Variants in OR52N4 observed in about 807,000 individuals in gnomAD.
The protein encoded by OR52N4 is olfactory receptor 52N4.
In OR52N4, 15 loss-of-function variants were observed where a neutral mutation model predicts 15.0. That is an observed-to-expected ratio of 1.00 (90% CI 0.67 to 1.54). The LOEUF (loss-of-function observed/expected upper bound fraction) is 1.54, where lower values mean the gene tolerates loss of function less well. Ranked by LOEUF, OR52N4 falls within the 40% of genes most tolerant of loss-of-function variation. The pLI is 0.00. For synonymous variants in OR52N4, 143 were observed against 143.7 expected (o/e 1.00, Z 0.03); for missense variants, 421 against 394.0 (o/e 1.07, Z -0.58).
In OR52N4 at chr11:5,754,312, A is replaced by G. The variant is rs1854251596; in HGVS notation, c.-49+7A>G. 2 of 156,098 alleles carry G rather than the reference A, an allele frequency of 1.3e-5. No individual in the cohort carries two copies. Among genetic ancestry groups the G allele is most frequent in the Admixed American group, 1.3e-4 (2 of 15,698 alleles). The allele number at this position is 156,098 out of a possible 1,614,324, so 9.7% of individuals were successfully genotyped here. ...CTCTCAGATCATCAGTGAGGTAATCAAATGACTCTTCTTTAAAATTATATC... is the reference window on the plus strand; with the variant it reads ...CTCTCAGATCATCAGTGAGGTAATCGAATGACTCTTCTTTAAAATTATATC... On this transcript the variant is annotated splice_region_variant and intron_variant, in intron 1 of 1. Coordinates refer to ENST00000641350, the MANE Select transcript of OR52N4 (RefSeq NM_001005175.5).
At chr11:5,751,740 T>C (rs1854195108), upstream of OR52N4, among the ~76,000 whole-genome samples, 1 of 152,210 alleles carries the variant, frequency 6.6e-6, no homozygotes, top group Non-Finnish European at 1.5e-5. Flanking sequence ...TACCAGACAC[T>C]GTCCTTACAT....
the OR52N4 span, among the ~76,000 whole-genome samples, chr11:5,741,648 G>A: frequency 6.6e-6 from 1 of 152,294 alleles, no homozygotes; most frequent in Admixed American, 6.5e-5. Context: ...TTCAGCTATG[G>A]CTCTCCTTTT....
At chr11:5,740,817 T>A in the OR52N4 span, among the ~76,000 whole-genome samples, 2 of 125,292 alleles carry the variant, frequency 1.6e-5, 1 homozygote, top group Non-Finnish European at 3.5e-5. Flanking sequence ...GGAACCACTG[T>A]ACTAAAAGAA....
chr11:5,737,130 G>T, the OR52N4 span: 1 of 1,613,982 alleles, frequency 6.2e-7, no homozygotes, highest in Non-Finnish European at 8.5e-7. Context: ...AGGCCAAACA[G>T]CATTTGCCAG....
chr11:5,746,331 G>A, the OR52N4 span, among the ~76,000 whole-genome samples: 1 of 152,064 alleles, frequency 6.6e-6, no homozygotes, highest in Non-Finnish European at 1.5e-5. Context: ...CTTCTGCAAA[G>A]CAAAAGAAAC....
In OR52N4 at chr11:5,755,904, T is replaced by A; in HGVS notation, c.*198T>A. 1 of 626,104 alleles carries A rather than the reference T, an allele frequency of 1.6e-6. No individual in the cohort carries two copies. Among genetic ancestry groups the A allele is most frequent in the Non-Finnish European group, 2.7e-6 (1 of 374,140 alleles). The allele number at this position is 626,104 out of a possible 1,614,324, so 38.8% of individuals were successfully genotyped here. The stretch of plus-strand genomic sequence containing the variant: ...CAACATTTCTATAAATTTTTTACCT[T>A]CTCACTCATGTGAAGGACCAGTCTA... On this transcript the variant is annotated 3_prime_UTR_variant, in exon 2 of 2. Transcript: ENST00000641350.
At chr11:5,753,854 G>A (rs1210816192), upstream of OR52N4, among the ~76,000 whole-genome samples, 11 of 151,376 alleles carry the variant, frequency 7.3e-5, no homozygotes, top group African/African-American at 1.7e-4. Flanking sequence ...TTAGCTGGGC[G>A]TGGTGGCATG....
rs972037352 is a variant in OR52N4, at chr11:5,755,507, C to T, written c.767C>T (p.Pro256Leu). The change falls in exon 2 of 2, where the codon CCA (proline) becomes CTA (leucine). Residue 256 changes from proline to leucine, a missense_variant. Coordinates refer to ENST00000641350, the MANE Select transcript of OR52N4 (RefSeq NM_001005175.5). ...HICAIVFSYT[P>L]AFFSFFSHRF... ...TGTGCCATTGTTTTCTCCTATACTC[C>T]AGCTTTCTTCTCCTTCTTTTCCCAC... 3 of 1,613,920 alleles carry T rather than the reference C, an allele frequency of 1.9e-6. No homozygotes were observed. Among genetic ancestry groups the T allele is most frequent in the Non-Finnish European group, 2.5e-6 (3 of 1,179,830 alleles).
chr11:5,748,020 T>C, the OR52N4 span, among the ~76,000 whole-genome samples: 6 of 151,564 alleles, frequency 4.0e-5, no homozygotes, highest in East Asian at 1.2e-3. Flanking sequence ...CCCATGTTCA[T>C]TTATCATATT....
At chr11:5,740,281 TCAA>T in the OR52N4 span, among the ~76,000 whole-genome samples, 18 of 127,706 alleles carry the variant, frequency 1.4e-4, 3 homozygotes, top group Non-Finnish European at 2.9e-4. Context: ...CCTGGCTGGT[TCAA>T]CTCTTTAAGG....
At chr11:5,729,113 G>GTTT in the OR52N4 span, among the ~76,000 whole-genome samples, 2 of 50,290 alleles carry the variant, frequency 4.0e-5, no homozygotes, top group African/African-American at 1.8e-4. Flanking sequence ...CTTAAATTGA[G>GTTT]ATTTTTTTTT....
At chr11:5,750,387 G>A (rs975408542), upstream of OR52N4, among the ~76,000 whole-genome samples, 1 of 151,746 alleles carries the variant, frequency 6.6e-6, no homozygotes, top group African/African-American at 2.4e-5. Flanking sequence ...ACTTGAAATG[G>A]TCACTTTAAC....
rs765282712 is a variant in OR52N4, at chr11:5,755,287, C to T, written c.547C>T (p.His183Tyr). 5.9e-5 allele frequency: 95 copies of T among 1,613,924 alleles called. No homozygotes were observed. The highest frequency in any genetic ancestry group is 1.6e-4 in the Middle Eastern group (1 of 6,080). ...GNILPHTYCDHMSVAKLSCGN... is the reference protein window; with the variant it reads ...GNILPHTYCDYMSVAKLSCGN... ...TATACTTCCCCATACCTACTGTGAC[C>T]ACATGTCTGTAGCCAAATTGTCCTG... is the stretch of plus-strand genomic sequence containing the variant. Residue 183 changes from histidine to tyrosine, a missense_variant, in exon 2 of 2, where the codon CAC (histidine) becomes TAC (tyrosine). His to Tyr is a moderately conservative substitution (Grantham distance 83). Coordinates refer to ENST00000641350, the MANE Select transcript of OR52N4 (RefSeq NM_001005175.5).
intron 1 of OR52N4, 123 bp from the exon 2 acceptor site, chr11:5,754,570 T>A: frequency 1.7e-6 from 1 of 592,458 alleles, no homozygotes; most frequent in Non-Finnish European, 2.8e-6. Context: ...CAAAATTATT[T>A]CTTGGCACTC....
chr11:5,743,664 T>C, the OR52N4 span, among the ~76,000 whole-genome samples: 1 of 152,200 alleles, frequency 6.6e-6, no homozygotes, highest in African/African-American at 2.4e-5. Context: ...AAGGCAGAAA[T>C]TTTTTAAACA....
chr11:5,731,396 T>A, the OR52N4 span, among the ~76,000 whole-genome samples: 5,695 of 152,292 alleles, frequency 0.037, 327 homozygotes, highest in African/African-American at 0.13. Context: ...AGAATTGTGA[T>A]AATATCGAAT....
At chr11:5,749,700 G>A (rs574407016), upstream of OR52N4, among the ~76,000 whole-genome samples, 3 of 151,920 alleles carry the variant, frequency 2.0e-5, no homozygotes, top group East Asian at 5.8e-4. Flanking sequence ...TAATCCACAC[G>A]GAGCAAGCAA....
chr11:5,728,923 G>C, the OR52N4 span, among the ~76,000 whole-genome samples: 2 of 151,698 alleles, frequency 1.3e-5, no homozygotes, highest in Non-Finnish European at 2.9e-5. Context: ...AAGTTCTAGG[G>C]TACATGTGCA....
At chr11:5,749,203 A>C in the OR52N4 span, among the ~76,000 whole-genome samples, 1 of 152,008 alleles carries the variant, frequency 6.6e-6, no homozygotes, top group African/African-American at 2.4e-5. Flanking sequence ...CTGTTCTGCT[A>C]TCCAGAAACG....
Sources: allele counts gnomAD v4.1 joint callset (sites outside exome capture counted in the v4.1 genomes callset), GRCh38; gene constraint gnomAD v4.1.1; transcripts MANE v1.5; gene names NCBI Gene and HGNC (gene_info 2026-07-23, HGNC 2026-07-21).